RAB38: variants seen among roughly 807,000 people sequenced by gnomAD.
RAB38 encodes RAB38, member RAS oncogene family.
A neutral mutation model predicts 18.4 loss-of-function variants in RAB38; 15 were observed. The ratio of observed to expected loss-of-function variants is 0.82; its 90% CI spans 0.55 to 1.26. The LOEUF (loss-of-function observed/expected upper bound fraction) is 1.26. RAB38 is among the 50% of genes most tolerant of loss of function. RAB38 has a pLI of 0.00. For synonymous variants in RAB38, 101 were observed against 104.4 expected (o/e 0.97, Z 0.20); for missense variants, 294 against 267.4 (o/e 1.10, Z -0.69).
chr11:88,166,834 T>C (rs1943251131), intron 1 of RAB38: 1 of 152,162 alleles, frequency 6.6e-6, no homozygotes. Context: ...TATATATTAA[T>C]GTTTATAAAG....
the RAB38 span, among the ~76,000 whole-genome samples, chr11:88,041,095 T>A: frequency 6.6e-6 from 1 of 152,230 alleles, no homozygotes; most frequent in Non-Finnish European, 1.5e-5. Context: ...TCCTAAAACA[T>A]TGCTAGGATA....
At chr11:87,955,374 AG>A in the RAB38 span, among the ~76,000 whole-genome samples, 1 of 152,182 alleles carries the variant, frequency 6.6e-6, no homozygotes, top group South Asian at 2.1e-4. Flanking sequence ...TGGAAGCGGG[AG>A]GGGTAAGCAT....
chr11:87,955,898 C>G, the RAB38 span, among the ~76,000 whole-genome samples: 1 of 142,026 alleles, frequency 7.0e-6, no homozygotes, highest in Non-Finnish European at 1.6e-5. Context: ...CACACACACA[C>G]ACACACAAGT....
chr11:88,041,311 TG>T, the RAB38 span, among the ~76,000 whole-genome samples: 40 of 152,366 alleles, frequency 2.6e-4, no homozygotes, highest in Admixed American at 1.3e-3. Flanking sequence ...GAGCGGAACA[TG>T]CCATTTGCAC....
the RAB38 span, among the ~76,000 whole-genome samples, chr11:87,804,282 G>T: frequency 1.8e-4 from 28 of 152,230 alleles, no homozygotes; most frequent in Admixed American, 1.0e-3. Context: ...GGTAGAGGCA[G>T]TGGGTGTATG....
chr11:88,016,726 G>GCAGA, the RAB38 span, among the ~76,000 whole-genome samples: 1 of 152,006 alleles, frequency 6.6e-6, no homozygotes, highest in South Asian at 2.1e-4. Flanking sequence ...GTAGATTCAA[G>GCAGA]CAGAATAAAG....
chr11:88,023,972 G>A, the RAB38 span, among the ~76,000 whole-genome samples: 3 of 152,070 alleles, frequency 2.0e-5, no homozygotes, highest in South Asian at 4.1e-4. Context: ...AACTCTCCAG[G>A]ACATTGATCT....
At chr11:87,831,641 G>A in the RAB38 span, among the ~76,000 whole-genome samples, 1 of 152,170 alleles carries the variant, frequency 6.6e-6, no homozygotes, top group African/African-American at 2.4e-5. Flanking sequence ...AGAAAGGTGA[G>A]AAATAAGTCA....
At chr11:87,931,111 T>G in the RAB38 span, among the ~76,000 whole-genome samples, 7,372 of 152,102 alleles carry the variant, frequency 0.048, 560 homozygotes, top group African/African-American at 0.16. Context: ...AAAGTCATTG[T>G]TAGCTTGATG....
intron 2 of RAB38, among the ~76,000 whole-genome samples, chr11:88,148,446 T>C (rs1035016153): frequency 1.3e-5 from 2 of 152,188 alleles, no homozygotes; most frequent in Non-Finnish European, 2.9e-5. Context: ...TAAGGTCTCA[T>C]TATGTTCCCA....
chr11:87,868,741 A>T, the RAB38 span, among the ~76,000 whole-genome samples: 1 of 151,682 alleles, frequency 6.6e-6, no homozygotes, highest in African/African-American at 2.4e-5. Flanking sequence ...GAAGGATGCT[A>T]GTTGTTGGGG....
chr11:87,825,025 TGA>T, the RAB38 span, among the ~76,000 whole-genome samples: 12 of 150,354 alleles, frequency 8.0e-5, 1 homozygote, highest in South Asian at 8.4e-4. Flanking sequence ...TGTGTGTGTG[TGA>T]GAGAGAGAGA....
chr11:88,096,698 A>T, the RAB38 span, among the ~76,000 whole-genome samples: 1 of 151,996 alleles, frequency 6.6e-6, no homozygotes, highest in Non-Finnish European at 1.5e-5. Flanking sequence ...AAGGAAATAA[A>T]GCAAGCAAGA....
At chr11:88,087,671 T>C in the RAB38 span, among the ~76,000 whole-genome samples, 1 of 151,864 alleles carries the variant, frequency 6.6e-6, no homozygotes, top group African/African-American at 2.4e-5. Context: ...TCAATGCAAA[T>C]TGAGAGGTGG....
chr11:88,136,204 T>C (rs1477415920), intron 2 of RAB38, among the ~76,000 whole-genome samples: 3 of 152,202 alleles, frequency 2.0e-5, no homozygotes, highest in Non-Finnish European at 4.4e-5. Flanking sequence ...ACAGAGGAGC[T>C]GCTGCTGCTC....
the RAB38 span, among the ~76,000 whole-genome samples, chr11:87,977,596 TGTAC>T: frequency 1.7e-5 from 2 of 118,362 alleles, no homozygotes; most frequent in African/African-American, 3.3e-5. Flanking sequence ...ATAATAATTA[TGTAC>T]TATACAATTA....
chr11:87,952,852 A>G, the RAB38 span, among the ~76,000 whole-genome samples: 3 of 152,194 alleles, frequency 2.0e-5, no homozygotes, highest in African/African-American at 7.2e-5. Flanking sequence ...ATGCAGATGT[A>G]TATAAAAAGG....
the RAB38 span, among the ~76,000 whole-genome samples, chr11:87,876,563 A>G: frequency 2.0e-5 from 3 of 151,632 alleles, no homozygotes; most frequent in Non-Finnish European, 4.4e-5. Context: ...TGAAGACAGG[A>G]GACTTTAGAA....
chr11:87,959,013 T>C, the RAB38 span, among the ~76,000 whole-genome samples: 11 of 152,240 alleles, frequency 7.2e-5, no homozygotes, highest in East Asian at 1.9e-3. Context: ...AAACACCTCC[T>C]CCTTCTGCGG....
Sources: allele counts gnomAD v4.1 joint callset (sites outside exome capture counted in the v4.1 genomes callset), GRCh38; gene constraint gnomAD v4.1.1; transcripts MANE v1.5; gene names NCBI Gene and HGNC (gene_info 2026-07-23, HGNC 2026-07-21).